Variants in YTHDC1 observed in about 807,000 individuals in gnomAD.
YTHDC1 encodes the protein YTH N6-methyladenosine RNA binding protein C1, also known as YTH domain-containing protein 1.
A neutral mutation model predicts 107.0 loss-of-function variants in YTHDC1; 12 were observed. That is an observed-to-expected ratio of 0.11 (90% confidence interval 0.07 to 0.18). The LOEUF (loss-of-function observed/expected upper bound fraction) is 0.18. Among genes scored for constraint, YTHDC1 ranks in the 10% least tolerant of loss-of-function variants. The pLI, the probability that YTHDC1 is intolerant of heterozygous loss-of-function variation, is 1.00. For missense variants in YTHDC1, 635 were observed against 898.8 expected (o/e 0.71, Z 3.75); for synonymous variants, 280 against 289.5 (o/e 0.97, Z 0.33).
At chr4:68,333,068 AAC>A (rs1723771227) in intron 5 of YTHDC1, among the ~76,000 whole-genome samples, 1 of 152,128 alleles carries the variant, frequency 6.6e-6, no homozygotes, top group Non-Finnish European at 1.5e-5. Flanking sequence ...CCACTCAGAA[AAC>A]TAGTCACTGA....
At chr4:68,334,253 C>A (rs2109720100) in intron 4 of YTHDC1, among the ~76,000 whole-genome samples, 1 of 152,232 alleles carries the variant, frequency 6.6e-6, no homozygotes, top group South Asian at 2.1e-4. Context: ...GAAAAAAATG[C>A]ATATACTTAT....
At chr4:68,323,574 A>G (rs1722667055) in intron 10 of YTHDC1, among the ~76,000 whole-genome samples, 1 of 152,180 alleles carries the variant, frequency 6.6e-6, no homozygotes, top group South Asian at 2.1e-4. Context: ...CGAAAATACA[A>G]AAATTAGCCA....
At chr4:68,338,025 TGA>T (rs1724411371) in intron 2 of YTHDC1, 125 bp from the exon 3 acceptor site, 1 of 1,462,354 alleles carries the variant, frequency 6.8e-7, no homozygotes. Flanking sequence ...AAAAGTCTTC[TGA>T]GAGATTTCTT....
At chr4:68,339,537 T>C (rs1724585439) in intron 1 of YTHDC1, among the ~76,000 whole-genome samples, 1 of 152,210 alleles carries the variant, frequency 6.6e-6, no homozygotes, top group Non-Finnish European at 1.5e-5. Flanking sequence ...TTTAAGTATT[T>C]AGGGACAAAG....
chr4:68,349,265 A>T (rs1231783450), intron 1 of YTHDC1, among the ~76,000 whole-genome samples: 1 of 152,228 alleles, frequency 6.6e-6, no homozygotes, highest in Admixed American at 6.5e-5. Flanking sequence ...ATATTTCTCA[A>T]GATTAATAAC....
chr4:68,346,963 G>C (rs1405645215), intron 1 of YTHDC1, among the ~76,000 whole-genome samples: 4 of 152,174 alleles, frequency 2.6e-5, no homozygotes, highest in Non-Finnish European at 5.9e-5. Context: ...TAGAGGTTGG[G>C]GGTCAGGGGA....
intron 15 of YTHDC1, among the ~76,000 whole-genome samples, chr4:68,318,082 T>C (rs948656778): frequency 2.5e-4 from 38 of 152,234 alleles, no homozygotes; most frequent in African/African-American, 8.9e-4. Context: ...CATACAATTA[T>C]TTATCATCAA....
intron 1 of YTHDC1, among the ~76,000 whole-genome samples, chr4:68,345,956 G>A (rs1725363670): frequency 6.6e-6 from 1 of 151,872 alleles, no homozygotes; most frequent in South Asian, 2.1e-4. Context: ...CTAAGTTTGT[G>A]TAAACACACT....
chr4:68,337,899 T>A lies in YTHDC1; in HGVS notation c.132A>T (p.Gly44=). 1 of 1,605,656 alleles carries A rather than the reference T, an allele frequency of 6.2e-7. No individual in the cohort carries two copies. Among genetic ancestry groups the A allele is most frequent in the Non-Finnish European group, 8.5e-7 (1 of 1,178,538 alleles). Residue 44 remains glycine, a splice_region_variant and synonymous_variant, in exon 3 of 17, where the codon GGA becomes GGT. Coordinates refer to ENST00000344157, the MANE Select transcript of YTHDC1 (RefSeq NM_001031732.4). Reference sequence around the variant, plus strand: ...CCATTCGATCACTTTTTCTTTTTGATCCTTTAAAATACAATGTAAAAAAAA... The same window carrying A: ...CCATTCGATCACTTTTTCTTTTTGAACCTTTAAAATACAATGTAAAAAAAA... ...ESEQDKNEKK[G]SKRKSDRMES...
At chr4:68,349,630 A>ACCCCCCC in intron 1 of YTHDC1, 96 bp downstream of exon 1, 3 of 153,366 alleles carry the variant, frequency 2.0e-5, no homozygotes, top group Non-Finnish European at 3.9e-5. Context: ...TAACCTCCCC[A>ACCCCCCC]ACCCCCACCC....
At chr4:68,335,971 G>C (rs1724110296) in intron 4 of YTHDC1, among the ~76,000 whole-genome samples, 1 of 148,422 alleles carries the variant, frequency 6.7e-6, no homozygotes, top group African/African-American at 2.5e-5. Context: ...ACTGTATGTA[G>C]TATAGATATA....
intron 1 of YTHDC1, among the ~76,000 whole-genome samples, chr4:68,340,348 G>C (rs1223482940): frequency 2.0e-5 from 3 of 152,020 alleles, no homozygotes; most frequent in Admixed American, 6.5e-5. Context: ...ATTTTGGGTG[G>C]TACCAATGCT....
At chr4:68,331,536 A>G (rs1007684401) in intron 7 of YTHDC1, among the ~76,000 whole-genome samples, 2 of 152,148 alleles carry the variant, frequency 1.3e-5, no homozygotes, top group African/African-American at 4.8e-5. Context: ...TAACACAAAA[A>G]TGTATTTTTG....
intron 4 of YTHDC1, among the ~76,000 whole-genome samples, chr4:68,336,815 A>G (rs1207334513): frequency 6.6e-6 from 1 of 152,214 alleles, no homozygotes; most frequent in Non-Finnish European, 1.5e-5. Flanking sequence ...CAACACAACC[A>G]TTCTGTAGCT....
Position 68,337,556 on chromosome 4 carries a change from CAAT to C in YTHDC1, c.459+13_459+15del, listed in dbSNP as rs1156493337. ...AGAATGGCTTTCTGTTTTATATCTG[CAAT>C]AATATTTACTACCTCAGAACCATCT... On this transcript the variant is annotated intron_variant, in intron 3 of 16. Transcript: ENST00000344157. The C allele has an allele frequency of 1.3e-6, 2 of 1,589,324 alleles. No individual in the cohort carries two copies. The highest frequency in any genetic ancestry group is 1.4e-5 in the African/African-American group (1 of 73,166).
At chr4:68,331,936 C>T (rs1183594945) in intron 7 of YTHDC1, among the ~76,000 whole-genome samples, 167 bp downstream of exon 7, 1 of 150,938 alleles carries the variant, frequency 6.6e-6, no homozygotes, top group African/African-American at 2.4e-5. Context: ...ACTCAAATTA[C>T]AAGTAGGCTG....
Position 68,311,438 on chromosome 4 carries a change from TTC to T in YTHDC1, c.*2659_*2660del, listed in dbSNP as rs1158556775. On this transcript the variant is annotated 3_prime_UTR_variant, in exon 17 of 17. Transcript: ENST00000344157. ...TTTCTAAACTCGGAATGACTGAATT[TTC>T]TGTTTTTCATCTGAACACATCATAC... The T allele has an allele frequency of 6.6e-6, 1 of 152,192 alleles. No individual in the cohort carries two copies. Among genetic ancestry groups the T allele is most frequent in the African/African-American group, 2.4e-5 (1 of 41,442 alleles). The allele number at this position is 152,192 out of a possible 1,614,324, so 9.4% of individuals were successfully genotyped here.
chr4:68,339,673 A>G (rs972989487), intron 1 of YTHDC1, among the ~76,000 whole-genome samples: 3 of 152,182 alleles, frequency 2.0e-5, no homozygotes, highest in East Asian at 3.8e-4. Flanking sequence ...GTGTTTGGAG[A>G]GTAAAAGAAA....
chr4:68,341,195 T>C (rs1578070528), intron 1 of YTHDC1, among the ~76,000 whole-genome samples: 1 of 152,256 alleles, frequency 6.6e-6, no homozygotes, highest in East Asian at 1.9e-4. Context: ...TAGTAACAAA[T>C]GGATATTAGT....
Sources: gnomAD v4.1 joint callset for allele counts (sites outside exome capture counted in the v4.1 genomes callset) on GRCh38, gnomAD v4.1.1 for gene constraint, MANE v1.5 for transcripts, NCBI Gene and HGNC (gene_info 2026-07-23, HGNC 2026-07-21) for gene names.